BRINP3: variants seen among roughly 807,000 people sequenced by gnomAD.
The protein encoded by BRINP3 is BMP/retinoic acid inducible neural specific 3.
Under a neutral mutation model 71.0 loss-of-function variants are expected in BRINP3, and 19 were observed. The observed-to-expected ratio is 0.27, with a 90% confidence interval of 0.19 to 0.39. The LOEUF (loss-of-function observed/expected upper bound fraction) is 0.39, where lower values mean the gene tolerates loss of function less well. Ranked by LOEUF, BRINP3 falls within the 10% of genes least tolerant of loss-of-function variation. The pLI is 1.00. For synonymous variants in BRINP3, 380 were observed against 337.7 expected, an observed-to-expected ratio of 1.13 and a Z score of -1.37; for missense variants, 959 against 940.8, an observed-to-expected ratio of 1.02 and a Z score of -0.25.
At chr1:190,268,770 C>T (rs1412967) in intron 3 of BRINP3, among the ~76,000 whole-genome samples, 89,052 of 151,768 alleles carry the variant, frequency 0.59, 26,341 homozygotes, top group Admixed American at 0.69. Flanking sequence ...ATTATCTAAG[C>T]ATAAATAATA....
chr1:190,148,639 A>G (rs1656116127), intron 7 of BRINP3, among the ~76,000 whole-genome samples: 1 of 148,410 alleles, frequency 6.7e-6, no homozygotes, highest in African/African-American at 2.5e-5. Flanking sequence ...AAATAAATAA[A>G]TAAATAAATA....
intron 2 of BRINP3, among the ~76,000 whole-genome samples, chr1:190,447,529 CTATATATATATAAAATA>C (rs1382195829): frequency 2.1e-5 from 3 of 146,264 alleles, no homozygotes; most frequent in Non-Finnish European, 4.5e-5. Flanking sequence ...CACTTTTGCA[CTATATATATATAAAATA>C]TATATATATA....
chr1:190,211,278 G>GCAAA (rs1655967402), intron 6 of BRINP3, among the ~76,000 whole-genome samples: 1 of 151,986 alleles, frequency 6.6e-6, no homozygotes, highest in African/African-American at 2.4e-5. Context: ...AAACAAGCAA[G>GCAAA]CAAACAAACA....
chr1:190,123,613 A>C (rs1207689141), intron 7 of BRINP3, among the ~76,000 whole-genome samples: 1 of 152,172 alleles, frequency 6.6e-6, no homozygotes, highest in African/African-American at 2.4e-5. Flanking sequence ...CCAAGTACCA[A>C]TTAGTACTAC....
chr1:190,225,119 CT>C lies in BRINP3; in HGVS notation c.961+962del, dbSNP rs963332389. 2.8e-4 allele frequency among the ~76,000 whole-genome samples: 42 copies of C among 151,986 alleles called. 1 individual carries two copies. The highest frequency in any genetic ancestry group is 2.7e-3 in the Admixed American group (41 of 15,210). ...AAGTACCATATTATTAATCTCACTA[CT>C]GAATATATATACAAAATAAAGGAAA... On this transcript the variant is annotated intron_variant, in intron 6 of 7. Coordinates refer to ENST00000367462, the MANE Select transcript of BRINP3 (RefSeq NM_199051.3).
At chr1:190,126,817 C>T (rs746450846) in intron 7 of BRINP3, among the ~76,000 whole-genome samples, 38 of 151,850 alleles carry the variant, frequency 2.5e-4, no homozygotes, top group Non-Finnish European at 4.6e-4. Context: ...ATTGTTTTCT[C>T]CTTGCAGTTT....
intron 1 of BRINP3, among the ~76,000 whole-genome samples, chr1:190,467,080 T>C: frequency 6.6e-6 from 1 of 151,512 alleles, no homozygotes; most frequent in Admixed American, 6.6e-5. Context: ...TTTAATACCC[T>C]ACATAGAAAA....
intron 2 of BRINP3, among the ~76,000 whole-genome samples, chr1:190,335,078 A>C (rs1413374623): frequency 1.3e-5 from 2 of 151,874 alleles, no homozygotes; most frequent in Admixed American, 1.3e-4. Flanking sequence ...ACAAATCTCC[A>C]GGAAAATTTA....
At chr1:190,293,130 T>C (rs1663993997) in intron 2 of BRINP3, among the ~76,000 whole-genome samples, 1 of 152,062 alleles carries the variant, frequency 6.6e-6, no homozygotes, top group Non-Finnish European at 1.5e-5. Flanking sequence ...AGTTTTTATG[T>C]GAAGTCTTTT....
At chr1:190,183,796 A>G (rs1653258801) in intron 6 of BRINP3, among the ~76,000 whole-genome samples, 1 of 152,130 alleles carries the variant, frequency 6.6e-6, no homozygotes, top group African/African-American at 2.4e-5. Context: ...TCATACCACC[A>G]CAATAGGGTG....
chr1:190,429,156 C>G (rs774379500), intron 2 of BRINP3, among the ~76,000 whole-genome samples: 22 of 151,970 alleles, frequency 1.4e-4, no homozygotes, highest in Non-Finnish European at 3.2e-4. Context: ...CTTTATAAAG[C>G]CATTGGAAGC....
intron 2 of BRINP3, among the ~76,000 whole-genome samples, chr1:190,416,529 A>G (rs1014519883): frequency 2.6e-5 from 4 of 152,202 alleles, no homozygotes; most frequent in Admixed American, 6.5e-5. Flanking sequence ...GAAATAGAAC[A>G]TAGACTCATT....
At chr1:190,465,765 G>A (rs1676703500) in intron 1 of BRINP3, among the ~76,000 whole-genome samples, 1 of 151,718 alleles carries the variant, frequency 6.6e-6, no homozygotes, top group Non-Finnish European at 1.5e-5. Context: ...CTTGAATAAG[G>A]TCTATCCCAC....
At chr1:190,309,832 T>C (rs1665390585) in intron 2 of BRINP3, among the ~76,000 whole-genome samples, 1 of 151,832 alleles carries the variant, frequency 6.6e-6, no homozygotes, top group Non-Finnish European at 1.5e-5. Context: ...TCTGAAAATA[T>C]TACTTGGTTA....
chr1:190,258,330 A>G (rs1479174142), intron 4 of BRINP3, among the ~76,000 whole-genome samples: 1 of 152,198 alleles, frequency 6.6e-6, no homozygotes, highest in East Asian at 1.9e-4. Context: ...ATTTGCTAAG[A>G]CCATACCTGG....
intron 2 of BRINP3, among the ~76,000 whole-genome samples, chr1:190,402,175 G>A (rs1049046933): frequency 6.6e-6 from 1 of 152,030 alleles, no homozygotes; most frequent in Non-Finnish European, 1.5e-5. Context: ...ATGTAGGCGT[G>A]TATAACAATA....
At chr1:190,407,150 A>T (rs1434227861) in intron 2 of BRINP3, among the ~76,000 whole-genome samples, 1 of 152,182 alleles carries the variant, frequency 6.6e-6, no homozygotes, top group Admixed American at 6.5e-5. Context: ...GACTCTTGAC[A>T]TGGTATGAAA....
At chr1:190,288,810 A>G (rs1318889776) in intron 2 of BRINP3, among the ~76,000 whole-genome samples, 1 of 151,966 alleles carries the variant, frequency 6.6e-6, no homozygotes, top group Admixed American at 6.6e-5. Flanking sequence ...AAAAGAATTT[A>G]TAAATAAAAT....
Position 190,097,768 on chromosome 1 carries a change from G to T in BRINP3, c.*250C>A. On this transcript the variant is annotated 3_prime_UTR_variant, in exon 8 of 8. Transcript: ENST00000367462. ...CCACGGAACATATAAAATTACAAAT[G>T]AAATTTATTGTAAAAAGTAGAATGT... 2.6e-6 allele frequency: 1 copy of T among 388,392 alleles called. No individual in the cohort carries two copies. The highest frequency in any genetic ancestry group is 6.8e-4 in the Middle Eastern group (1 of 1,460). 24.1% of individuals were successfully genotyped at this position (388,392 alleles called of 1,614,324 possible). A position where few individuals can be genotyped will look rare whatever the true frequency, so the allele number is the denominator to read the frequency against.
Sources: allele counts gnomAD v4.1 joint callset (sites outside exome capture counted in the v4.1 genomes callset), GRCh38; gene constraint gnomAD v4.1.1; transcripts MANE v1.5; gene names NCBI Gene and HGNC (gene_info 2026-07-23, HGNC 2026-07-21).